Variants in PTPRR observed in about 807,000 individuals in gnomAD.
PTPRR encodes protein tyrosine phosphatase receptor type R, also known as receptor-type tyrosine-protein phosphatase R.
In PTPRR, 38 loss-of-function variants were observed where a neutral mutation model predicts 77.2. That is an observed-to-expected ratio of 0.49 (90% CI 0.38 to 0.65). The LOEUF (loss-of-function observed/expected upper bound fraction) is 0.65, where lower values mean the gene tolerates loss of function less well. Among genes scored for constraint, PTPRR ranks in the 30% least tolerant of loss-of-function variants. The pLI is 0.00. For synonymous variants in PTPRR, 299 were observed against 283.1 expected, an observed-to-expected ratio of 1.06 and a Z score of -0.57; for missense variants, 744 against 799.2, an observed-to-expected ratio of 0.93 and a Z score of 0.83.
rs951172654 is a variant in PTPRR at position 70,732,968 on chromosome 12, A to G, written c.1007+12850T>C. Among the ~76,000 whole-genome samples, 6 of 152,262 alleles carry G rather than the reference A, an allele frequency of 3.9e-5. No homozygotes were observed. The South Asian group carries it at 1.2e-3, about 32-fold the overall frequency. ...GAGATTTAACAAATATTTATGGAAC[A>G]CGTACAAGGTGGTAGGCATTGTGCT... On this transcript the variant is annotated intron_variant, in intron 6 of 13. Transcript: ENST00000283228.
intron 6 of PTPRR, among the ~76,000 whole-genome samples, chr12:70,733,469 G>C: frequency 4.1e-5 from 3 of 73,000 alleles, no homozygotes; most frequent in Non-Finnish European, 7.6e-5. Flanking sequence ...AAAAATTATG[G>C]CAAAAAAAAA....
At chr12:70,904,902 G>A (rs992457227) in intron 1 of PTPRR, among the ~76,000 whole-genome samples, 5 of 151,722 alleles carry the variant, frequency 3.3e-5, no homozygotes, top group African/African-American at 1.2e-4. Context: ...GGTATAATAA[G>A]AGAGTGACTA....
intron 2 of PTPRR, among the ~76,000 whole-genome samples, chr12:70,888,374 C>CT (rs1893278109): frequency 6.6e-6 from 1 of 152,186 alleles, no homozygotes; most frequent in Non-Finnish European, 1.5e-5. Context: ...TGATGCCTCC[C>CT]TTATCATTCT....
intron 5 of PTPRR, among the ~76,000 whole-genome samples, chr12:70,750,570 G>C (rs955683487): frequency 6.6e-6 from 1 of 152,028 alleles, no homozygotes; most frequent in South Asian, 2.1e-4. Flanking sequence ...TTAGATAATC[G>C]CTTTGACATG....
intron 4 of PTPRR, among the ~76,000 whole-genome samples, chr12:70,760,050 G>A (rs973160453): frequency 2.0e-5 from 3 of 152,166 alleles, no homozygotes; most frequent in African/African-American, 7.2e-5. Flanking sequence ...AGACCAGTTG[G>A]GGGTGGTTGT....
chr12:70,911,039 G>C (rs1318756617), intron 1 of PTPRR, among the ~76,000 whole-genome samples: 1 of 152,196 alleles, frequency 6.6e-6, no homozygotes, highest in Non-Finnish European at 1.5e-5. Flanking sequence ...TGGAAAAGCA[G>C]GGTCAGCTGA....
At chr12:70,727,728 T>C (rs904654528) in intron 6 of PTPRR, among the ~76,000 whole-genome samples, 1 of 152,132 alleles carries the variant, frequency 6.6e-6, no homozygotes, top group African/African-American at 2.4e-5. Flanking sequence ...CAGAGTCTCA[T>C]AGAAAAATGC....
intron 2 of PTPRR, among the ~76,000 whole-genome samples, chr12:70,797,176 A>G (rs1260425583): frequency 6.6e-6 from 1 of 152,126 alleles, no homozygotes; most frequent in East Asian, 1.9e-4. Flanking sequence ...ATGAATGTTT[A>G]CTTGATTCAC....
chr12:70,764,751 T>G lies in PTPRR; in HGVS notation c.385A>C (p.Asn129His), dbSNP rs1178435840. 1.9e-6 allele frequency: 3 copies of G among 1,614,066 alleles called. No homozygotes were observed. Among genetic ancestry groups the G allele is most frequent in the Non-Finnish European group, 2.5e-6 (3 of 1,179,930 alleles). Residue 129 changes from asparagine to histidine, a missense_variant, in exon 3 of 14, where the codon AAC (asparagine) becomes CAC (histidine). Coordinates refer to ENST00000283228, the MANE Select transcript of PTPRR (RefSeq NM_002849.4). ...VTLQMDVNKL[N>H]ITLLRIFRQG... The stretch of plus-strand genomic sequence containing the variant: ...CGGAAGATCCGAAGCAAGGTTATGT[T>G]CAGCTTGTTTACATCCATTTGCAGT...
intron 6 of PTPRR, among the ~76,000 whole-genome samples, chr12:70,727,684 A>G (rs140623872): frequency 1.1e-4 from 16 of 152,296 alleles, no homozygotes; most frequent in African/African-American, 3.6e-4. Context: ...AATACTGCCT[A>G]GCTACATCAC....
chr12:70,705,236 T>C (rs1888575527), intron 6 of PTPRR, among the ~76,000 whole-genome samples: 1 of 152,094 alleles, frequency 6.6e-6, no homozygotes, highest in Non-Finnish European at 1.5e-5. Context: ...TTCTAATGAC[T>C]TAGAGGTGGG....
At chr12:70,666,711 C>A (rs1034928861) in intron 10 of PTPRR, among the ~76,000 whole-genome samples, 1 of 151,970 alleles carries the variant, frequency 6.6e-6, no homozygotes, top group South Asian at 2.1e-4. Context: ...TCTATTTTCT[C>A]TTTCATTTTA....
At chr12:70,685,372 A>C (rs1887824432) in intron 8 of PTPRR, among the ~76,000 whole-genome samples, 1 of 150,316 alleles carries the variant, frequency 6.7e-6, no homozygotes, top group African/African-American at 2.4e-5. Flanking sequence ...GAGGCTGGGC[A>C]CAGTGGCTTA....
intron 8 of PTPRR, among the ~76,000 whole-genome samples, chr12:70,691,257 G>T (rs768426787): frequency 6.6e-6 from 1 of 152,066 alleles, no homozygotes; most frequent in African/African-American, 2.4e-5. Context: ...TCCCATTGTG[G>T]TATTTTTGTT....
chr12:70,863,682 G>C (rs1157396650), intron 2 of PTPRR, among the ~76,000 whole-genome samples: 1 of 151,572 alleles, frequency 6.6e-6, no homozygotes. Context: ...ATTATCTATT[G>C]TTTCATCTTG....
intron 2 of PTPRR, among the ~76,000 whole-genome samples, chr12:70,803,776 T>A (rs1891658875): frequency 6.6e-6 from 1 of 152,206 alleles, no homozygotes; most frequent in South Asian, 2.1e-4. Context: ...GCCATTTGTA[T>A]CTATTTGATG....
At chr12:70,834,923 G>A (rs1469882724) in intron 2 of PTPRR, among the ~76,000 whole-genome samples, 1 of 152,116 alleles carries the variant, frequency 6.6e-6, no homozygotes, top group Non-Finnish European at 1.5e-5. Context: ...ACGATTAGTT[G>A]TGGGGATGAT....
intron 2 of PTPRR, among the ~76,000 whole-genome samples, chr12:70,869,342 C>A (rs901304041): frequency 2.0e-5 from 3 of 152,052 alleles, no homozygotes; most frequent in African/African-American, 7.2e-5. Flanking sequence ...TGCAGATTGA[C>A]CTGGCAATCA....
chr12:70,648,412 AG>A (rs1467082514), intron 13 of PTPRR, among the ~76,000 whole-genome samples: 1 of 152,228 alleles, frequency 6.6e-6, no homozygotes, highest in Non-Finnish European at 1.5e-5. Flanking sequence ...AGCATGGAAA[AG>A]CATCTTGTTA....
Sources: allele counts gnomAD v4.1 joint callset (sites outside exome capture counted in the v4.1 genomes callset), GRCh38; gene constraint gnomAD v4.1.1; transcripts MANE v1.5; gene names NCBI Gene and HGNC (gene_info 2026-07-23, HGNC 2026-07-21).